Variants in CLIP2 observed in about 807,000 individuals in gnomAD.
The protein encoded by CLIP2 is CAP-Gly domain containing linker protein 2, also known as CAP-Gly domain-containing linker protein 2.
CLIP2 carries 41 observed loss-of-function variants against 111.7 expected under a neutral mutation model. The observed-to-expected ratio is 0.37, with a 90% CI of 0.29 to 0.48. The LOEUF is 0.48. Among genes scored for constraint, CLIP2 ranks in the 20% least tolerant of loss-of-function variants. CLIP2 has a pLI of 0.99. For missense variants in CLIP2, 1,160 were observed against 1,422.1 expected (o/e 0.82, Z 2.96); for synonymous variants, 660 against 644.2 (o/e 1.02, Z -0.37).
chr7:74,325,962 G>C (rs1159496124), intron 2 of CLIP2, among the ~76,000 whole-genome samples: 1 of 151,930 alleles, frequency 6.6e-6, no homozygotes, highest in African/African-American at 2.4e-5. Context: ...CCATTGGCTG[G>C]GTATGGTGGC....
In CLIP2 at chr7:74,400,468, G is replaced by A. The variant is rs782252676; in HGVS notation, c.2979G>A (p.Thr993=). Residue 993 remains threonine (T), a synonymous_variant, in exon 15 of 17, where the codon ACG becomes ACA. Transcript: ENST00000223398. ...GGCTGCAGCACCAGCTGATGAGCAC[G>A]GAGGACGCCCTGCGGGATGCGCTGG... ...LLRLQHQLMS[T]EDALRDALDQ... is the part of the protein sequence containing the mutation. The A allele has an allele frequency of 3.7e-5, 59 of 1,613,966 alleles. No individual in the cohort carries two copies. Among genetic ancestry groups the A allele is most frequent in the Admixed American group, 1.0e-4 (6 of 59,986 alleles).
At chr7:74,393,935 C>T (rs1241195283) in intron 13 of CLIP2, among the ~76,000 whole-genome samples, 1 of 152,160 alleles carries the variant, frequency 6.6e-6, no homozygotes. Flanking sequence ...CCCTCCCTCC[C>T]CTGTCTCCCA....
intron 3 of CLIP2, among the ~76,000 whole-genome samples, chr7:74,353,552 C>T (rs1790070037): frequency 6.6e-6 from 1 of 152,240 alleles, no homozygotes; most frequent in South Asian, 2.1e-4. Flanking sequence ...TGCCCAGCCC[C>T]GAAAACCCTT....
chr7:74,313,633 AGCTGT>A (rs2116492759), intron 1 of CLIP2, among the ~76,000 whole-genome samples: 1 of 151,598 alleles, frequency 6.6e-6, no homozygotes, highest in South Asian at 2.1e-4. Context: ...CTCGGGACTC[AGCTGT>A]GCTGTCTCTG....
intron 3 of CLIP2, among the ~76,000 whole-genome samples, chr7:74,352,498 G>A (rs1790033006): frequency 6.6e-6 from 1 of 151,638 alleles, no homozygotes; most frequent in African/African-American, 2.4e-5. Context: ...GTTATTTATA[G>A]GAAAAAAAAA....
intron 8 of CLIP2, among the ~76,000 whole-genome samples, chr7:74,365,655 TC>T (rs1391266693): frequency 1.5e-5 from 1 of 65,012 alleles, no homozygotes; most frequent in Non-Finnish European, 4.3e-5. Flanking sequence ...GCTGCAGAAT[TC>T]CCCATGCAAC....
intron 1 of CLIP2, among the ~76,000 whole-genome samples, chr7:74,308,500 A>G (rs1788554951): frequency 6.6e-6 from 1 of 151,836 alleles, no homozygotes; most frequent in South Asian, 2.1e-4. Flanking sequence ...TAGTTTGTTT[A>G]TTTATTTATA....
At chr7:74,339,041 C>A in intron 3 of CLIP2, 37 bp downstream of exon 3, 1 of 1,551,134 alleles carries the variant, frequency 6.4e-7, no homozygotes, top group Non-Finnish European at 8.7e-7. Context: ...GGCCCAGCTT[C>A]CCTTCCCTCC....
At chr7:74,357,969 C>A (rs1263985966) in intron 6 of CLIP2, among the ~76,000 whole-genome samples, 10 of 151,194 alleles carry the variant, frequency 6.6e-5, no homozygotes, top group Middle Eastern at 3.2e-3. Flanking sequence ...GTTGGTCAGG[C>A]TGGTCTCGAA....
intron 1 of CLIP2, among the ~76,000 whole-genome samples, chr7:74,292,786 T>C (rs1554725570): frequency 6.6e-6 from 1 of 152,238 alleles, no homozygotes; most frequent in Non-Finnish European, 1.5e-5. Context: ...AAGAGGTGGC[T>C]GTGTCTGCCC....
chr7:74,297,031 G>T (rs1788188692), intron 1 of CLIP2, among the ~76,000 whole-genome samples: 1 of 152,154 alleles, frequency 6.6e-6, no homozygotes, highest in African/African-American at 2.4e-5. Context: ...TCTGACACAG[G>T]TATCTGGGCT....
chr7:74,369,261 G>C (rs561691825), intron 8 of CLIP2, among the ~76,000 whole-genome samples: 3 of 152,316 alleles, frequency 2.0e-5, no homozygotes, highest in Admixed American at 2.0e-4. Context: ...TGAGGCAGGA[G>C]AAGCGCTTGA....
chr7:74,328,732 GTGGTATTGGTAAAA>G (rs1269137479), intron 2 of CLIP2, among the ~76,000 whole-genome samples: 1 of 152,080 alleles, frequency 6.6e-6, no homozygotes, highest in Admixed American at 6.6e-5. Flanking sequence ...CTTGATGCCT[GTGGTATTGGTAAAA>G]TGCCTTTTTT....
intron 13 of CLIP2, 104 bp downstream of exon 13, chr7:74,389,363 C>G: frequency 7.9e-7 from 1 of 1,261,918 alleles, no homozygotes; most frequent in South Asian, 1.6e-5. Flanking sequence ...GGGGATAGAG[C>G]TGGTGGGCCA....
intron 3 of CLIP2, among the ~76,000 whole-genome samples, chr7:74,349,507 T>TATAC (rs1789918809): frequency 7.4e-6 from 1 of 135,428 alleles, no homozygotes; most frequent in Admixed American, 7.7e-5. Flanking sequence ...TATATATATA[T>TATAC]ATATGTAAAT....
At chr7:74,337,683 C>T (rs1226840388) in intron 2 of CLIP2, among the ~76,000 whole-genome samples, 1 of 152,016 alleles carries the variant, frequency 6.6e-6, no homozygotes, top group East Asian at 1.9e-4. Context: ...GCAATCTCCA[C>T]CTCTCGAGTT....
intron 3 of CLIP2, among the ~76,000 whole-genome samples, chr7:74,348,139 C>T (rs540413983): frequency 3.9e-5 from 6 of 151,952 alleles, no homozygotes; most frequent in Admixed American, 2.0e-4. Context: ...CACTGCACTC[C>T]AGCCTGGGGA....
chr7:74,368,188 G>C (rs1168016251), intron 8 of CLIP2, among the ~76,000 whole-genome samples: 4 of 152,040 alleles, frequency 2.6e-5, no homozygotes, highest in Non-Finnish European at 5.9e-5. Flanking sequence ...ACTCCAGCCT[G>C]GGCAACAAAG....
intron 13 of CLIP2, among the ~76,000 whole-genome samples, chr7:74,389,588 TAA>T (rs149173666): frequency 5.7e-5 from 6 of 104,650 alleles, no homozygotes; most frequent in African/African-American, 1.5e-4. Context: ...CCCCTATCTC[TAA>T]AAAAAAAAAA....
Sources: gnomAD v4.1 joint callset for allele counts (sites outside exome capture counted in the v4.1 genomes callset) on GRCh38, gnomAD v4.1.1 for gene constraint, MANE v1.5 for transcripts, NCBI Gene and HGNC (gene_info 2026-07-23, HGNC 2026-07-21) for gene names.